The following WDR72 variants were observed in gnomAD, a reference collection of about 807,000 sequenced individuals.
WDR72 encodes WD repeat domain 72, also known as WD repeat-containing protein 72.
WDR72 carries 120 observed loss-of-function variants against 124.2 expected under a neutral mutation model. The ratio of observed to expected loss-of-function variants is 0.97; its 90% CI spans 0.83 to 1.12. The LOEUF is 1.12. WDR72 is among the 50% of genes most tolerant of loss of function. The probability of loss-of-function intolerance (pLI) is 0.00; values close to 1 mark genes in which losing one functional copy is unlikely to be tolerated. For synonymous variants in WDR72, 452 were observed against 441.7 expected, an observed-to-expected ratio of 1.02 and a Z score of -0.29; for missense variants, 1,387 against 1,278.8, an observed-to-expected ratio of 1.08 and a Z score of -1.29.
intron 14 of WDR72, among the ~76,000 whole-genome samples, chr15:53,618,140 C>T (rs1197736274): frequency 6.6e-6 from 1 of 151,870 alleles, no homozygotes; most frequent in African/African-American, 2.4e-5. Context: ...AGAATATGCC[C>T]TGATTTTTTT....
At chr15:53,613,826 G>T (rs1296791622) in intron 15 of WDR72, 69 bp from the exon 16 acceptor site, 1 of 1,093,440 alleles carries the variant, frequency 9.1e-7, no homozygotes, top group Admixed American at 1.7e-5. Context: ...ATAAATCAAA[G>T]ATATGGGTAC....
At chr15:53,595,378 A>T (rs2140337121) in intron 18 of WDR72, among the ~76,000 whole-genome samples, 1 of 152,190 alleles carries the variant, frequency 6.6e-6, no homozygotes. Flanking sequence ...TCAGCCTCCC[A>T]AGTAGCTGGG....
At chr15:53,626,636 G>A (rs944698551) in intron 14 of WDR72, among the ~76,000 whole-genome samples, 5 of 152,194 alleles carry the variant, frequency 3.3e-5, no homozygotes, top group South Asian at 2.1e-4. Context: ...TTTCTATCCC[G>A]ATCTTTGTCC....
intron 18 of WDR72, among the ~76,000 whole-genome samples, chr15:53,575,031 ACAC>A (rs1894699776): frequency 6.6e-6 from 1 of 151,780 alleles, no homozygotes; most frequent in African/African-American, 2.4e-5. Context: ...ACACACACAC[ACAC>A]ACACACATTT....
At chr15:53,548,279 T>C (rs1893574933) in intron 18 of WDR72, among the ~76,000 whole-genome samples, 1 of 152,182 alleles carries the variant, frequency 6.6e-6, no homozygotes, top group Admixed American at 6.5e-5. Flanking sequence ...GTATCTTTTA[T>C]AGGTAAGACT....
intron 1 of WDR72, among the ~76,000 whole-genome samples, chr15:53,752,669 T>G (rs186743398): frequency 2.6e-5 from 4 of 152,326 alleles, no homozygotes; most frequent in Admixed American, 1.3e-4. Context: ...GGTGGTACTT[T>G]GTTATACATT....
At chr15:53,670,244 A>G (rs2015939256) in intron 13 of WDR72, among the ~76,000 whole-genome samples, 1 of 152,238 alleles carries the variant, frequency 6.6e-6, no homozygotes, top group African/African-American at 2.4e-5. Flanking sequence ...AGAGCTAATC[A>G]TAAGAAAAGA....
intron 18 of WDR72, among the ~76,000 whole-genome samples, chr15:53,533,436 T>A (rs555198197): frequency 6.6e-5 from 10 of 152,028 alleles, no homozygotes; most frequent in African/African-American, 2.4e-4. Context: ...ATTTTAATTA[T>A]CCAATAATAG....
intron 19 of WDR72, among the ~76,000 whole-genome samples, chr15:53,519,384 C>G (rs1891654499): frequency 6.6e-6 from 1 of 152,038 alleles, no homozygotes; most frequent in African/African-American, 2.4e-5. Flanking sequence ...CCTAATGGCC[C>G]TAAAATCTCA....
intron 14 of WDR72, among the ~76,000 whole-genome samples, chr15:53,649,032 T>C (rs1024521718): frequency 1.3e-5 from 2 of 152,086 alleles, no homozygotes; most frequent in African/African-American, 2.4e-5. Flanking sequence ...TAATAAAATA[T>C]AGTTCTTTCC....
In WDR72 at chr15:53,697,332, T is replaced by C. The variant is rs545098869; in HGVS notation, c.1765+2418A>G. 2.6e-5 allele frequency among the ~76,000 whole-genome samples: 4 copies of C among 152,306 alleles called. No homozygotes were observed. The South Asian group carries it at 8.3e-4, about 32-fold the overall frequency. ...GGCTGATGCCCAGAACTGAATGCCC[T>C]TCCTCTCTCACTTTCAGTGGATTAA... On this transcript the variant is annotated intron_variant, in intron 13 of 19. Coordinates refer to ENST00000360509, the MANE Select transcript of WDR72 (RefSeq NM_182758.4).
chr15:53,687,345 A>G (rs2016673126), intron 13 of WDR72, among the ~76,000 whole-genome samples: 1 of 150,628 alleles, frequency 6.6e-6, no homozygotes. Context: ...AGAGAGAAGA[A>G]TCAAATAGAC....
chr15:53,581,250 A>T (rs778598598), intron 18 of WDR72, among the ~76,000 whole-genome samples: 4 of 152,080 alleles, frequency 2.6e-5, no homozygotes, highest in Non-Finnish European at 4.4e-5. Flanking sequence ...CTTTCTTCTC[A>T]ATCAAAATAT....
chr15:53,539,168 C>T (rs778134375), intron 18 of WDR72, among the ~76,000 whole-genome samples: 1 of 152,044 alleles, frequency 6.6e-6, no homozygotes, highest in Non-Finnish European at 1.5e-5. Context: ...ACTAGAAAGG[C>T]TGCAAGTTAA....
chr15:53,729,982 G>T lies in WDR72; in HGVS notation c.153+3015C>A, dbSNP rs77633808. On this transcript the variant is annotated intron_variant, in intron 2 of 19. Coordinates refer to ENST00000360509, the MANE Select transcript of WDR72 (RefSeq NM_182758.4). Reference sequence around the variant, plus strand: ...TCAATTAAAAATAATTTCAAAAATAGAATTACTACATGAACCAGCAATTCC... The same window carrying T: ...TCAATTAAAAATAATTTCAAAAATATAATTACTACATGAACCAGCAATTCC... Among the ~76,000 whole-genome samples, 1,004 of 152,214 alleles carry T rather than the reference G, an allele frequency of 6.6e-3. 4 individuals carry two copies. Among genetic ancestry groups the T allele is most frequent in the Non-Finnish European group, 0.01 (681 of 68,006 alleles).
intron 18 of WDR72, among the ~76,000 whole-genome samples, chr15:53,575,282 T>C (rs1424580354): frequency 6.6e-6 from 1 of 152,108 alleles, no homozygotes; most frequent in Non-Finnish European, 1.5e-5. Context: ...TCATGGGAAG[T>C]GATTCATGGC....
At chr15:53,716,973 C>T (rs897593528) in intron 3 of WDR72, among the ~76,000 whole-genome samples, 2 of 152,126 alleles carry the variant, frequency 1.3e-5, no homozygotes, top group Non-Finnish European at 2.9e-5. Context: ...AGTGACAGTA[C>T]AACAATCTTT....
Position 53,699,749 on chromosome 15 carries a change from C to T in WDR72, c.1765+1G>A, listed in dbSNP as rs1383293186. On this transcript the variant is annotated splice_donor_variant, in intron 13 of 19. Transcript: ENST00000360509. LOFTEE classifies it high-confidence loss of function. Reference sequence around the variant, plus strand: ...ATGAAAGGGATAAAATTTCAACTTACCTGTTTCAATTTCCCAGATATAAAC... The same window carrying T: ...ATGAAAGGGATAAAATTTCAACTTATCTGTTTCAATTTCCCAGATATAAAC... 3.1e-6 allele frequency: 5 copies of T among 1,613,940 alleles called. No individual in the cohort carries two copies. The highest frequency in any genetic ancestry group is 3.3e-5 in the Admixed American group (2 of 60,016).
chr15:53,688,056 C>T (rs941844107), intron 13 of WDR72, among the ~76,000 whole-genome samples: 41 of 146,424 alleles, frequency 2.8e-4, no homozygotes, highest in African/African-American at 9.4e-4. Flanking sequence ...ATTGATGGGA[C>T]GTATTTCAAA....
Sources: allele counts gnomAD v4.1 joint callset (sites outside exome capture counted in the v4.1 genomes callset), GRCh38; gene constraint gnomAD v4.1.1; transcripts MANE v1.5; gene names NCBI Gene and HGNC (gene_info 2026-07-23, HGNC 2026-07-21).